Variants in P2RX7 observed in about 807,000 individuals in gnomAD.
P2RX7 encodes the protein purinergic receptor P2X 7.
Under a neutral mutation model 71.6 loss-of-function variants are expected in P2RX7, and 62 were observed. The ratio of observed to expected loss-of-function variants is 0.87; its 90% CI spans 0.71 to 1.07. The LOEUF (loss-of-function observed/expected upper bound fraction) is 1.07, where lower values mean the gene tolerates loss of function less well. Ranked by LOEUF, P2RX7 falls within the 50% of genes least tolerant of loss-of-function variation. The probability of loss-of-function intolerance (pLI) is 0.00; values close to 1 mark genes in which losing one functional copy is unlikely to be tolerated. For missense variants in P2RX7, 686 were observed against 748.5 expected (o/e 0.92, Z 0.97); for synonymous variants, 299 against 283.3 (o/e 1.06, Z -0.56).
Position 121,186,276 on chromosome 12 carries a change from A to C in P2RX7, c.*1474A>C, listed in dbSNP as rs1884884683. Reference sequence around the variant, plus strand: ...ATCCCAAGTGAGAACTGCCCCATAAATCCAGAAAACCACATTGCTATCTTA... The same window carrying C: ...ATCCCAAGTGAGAACTGCCCCATAACTCCAGAAAACCACATTGCTATCTTA... On this transcript the variant is annotated 3_prime_UTR_variant, in exon 13 of 13. Transcript: ENST00000328963. 1 of 152,122 alleles carries C rather than the reference A, an allele frequency of 6.6e-6. No homozygotes were observed. Among genetic ancestry groups the C allele is most frequent in the Admixed American group, 6.6e-5 (1 of 15,246 alleles). 9.4% of individuals were successfully genotyped at this position (152,122 alleles called of 1,614,324 possible). A position where few individuals can be genotyped will look rare whatever the true frequency, so the allele number is the denominator to read the frequency against.
intron 6 of P2RX7, 105 bp from the exon 7 acceptor site, chr12:121,165,953 G>A (rs752040322): frequency 7.5e-5 from 92 of 1,232,854 alleles, no homozygotes; most frequent in Non-Finnish European, 9.8e-5. Flanking sequence ...GATCATTTGG[G>A]GCTTTCATGG....
At chr12:121,140,232 A>G (rs954847995) in intron 1 of P2RX7, among the ~76,000 whole-genome samples, 2 of 113,700 alleles carry the variant, frequency 1.8e-5, no homozygotes, top group Admixed American at 7.6e-5. Context: ...CCTGGAAACA[A>G]GAGGAACAGC....
At chr12:121,178,587 T>A (rs1432216481) in intron 11 of P2RX7, among the ~76,000 whole-genome samples, 1 of 151,910 alleles carries the variant, frequency 6.6e-6, no homozygotes, top group Non-Finnish European at 1.5e-5. Context: ...AGGTCAAGAG[T>A]TCGAGACCAG....
intron 1 of P2RX7, among the ~76,000 whole-genome samples, chr12:121,145,587 A>G (rs1477076131): frequency 6.6e-6 from 1 of 151,468 alleles, no homozygotes; most frequent in Non-Finnish European, 1.5e-5. Flanking sequence ...ACTCACCACA[A>G]CCTCTGCCTC....
At chr12:121,167,047 C>T (rs983293976) in intron 7 of P2RX7, among the ~76,000 whole-genome samples, 11 of 129,194 alleles carry the variant, frequency 8.5e-5, no homozygotes, top group African/African-American at 3.0e-4. Context: ...AGCGAAACTC[C>T]ATCTCAAAAA....
At chr12:121,141,180 C>T (rs376718689) in intron 1 of P2RX7, among the ~76,000 whole-genome samples, 2 of 152,292 alleles carry the variant, frequency 1.3e-5, no homozygotes, top group South Asian at 2.1e-4. Context: ...ATGTCTAACA[C>T]CAAAACACCA....
chr12:121,144,079 C>T (rs1006606196), intron 1 of P2RX7, among the ~76,000 whole-genome samples: 2 of 152,182 alleles, frequency 1.3e-5, no homozygotes, highest in African/African-American at 2.4e-5. Flanking sequence ...ACCCAGGTAA[C>T]CATGAATCTA....
chr12:121,163,330 ACACACACACACACACACACACACACACG>A (rs1035924061), intron 5 of P2RX7, among the ~76,000 whole-genome samples: 2 of 63,104 alleles, frequency 3.2e-5, no homozygotes, highest in Admixed American at 1.5e-4. Flanking sequence ...CCTGGCTTAC[ACACACACACACACACACACACACACACG>A]CACACACACA....
chr12:121,135,718 C>T (rs1873391040), intron 1 of P2RX7, among the ~76,000 whole-genome samples: 1 of 151,522 alleles, frequency 6.6e-6, no homozygotes, highest in African/African-American at 2.4e-5. Context: ...AACATATATG[C>T]TGGGTCCGGC....
intron 1 of P2RX7, among the ~76,000 whole-genome samples, chr12:121,147,599 T>TTG (rs1555223827): frequency 9.9e-5 from 15 of 151,664 alleles, no homozygotes; most frequent in African/African-American, 3.2e-4. Context: ...GGCAGTTTTT[T>TTG]TTGTTGTTGT....
At chr12:121,168,377 C>T (rs910043450) in intron 8 of P2RX7, among the ~76,000 whole-genome samples, 28 of 151,710 alleles carry the variant, frequency 1.8e-4, no homozygotes, top group Non-Finnish European at 3.4e-4. Flanking sequence ...TAGGTCCAAG[C>T]GATCCTCCCA....
intron 1 of P2RX7, among the ~76,000 whole-genome samples, chr12:121,139,236 C>T (rs1364459528): frequency 1.3e-5 from 2 of 152,210 alleles, no homozygotes; most frequent in Admixed American, 6.5e-5. Flanking sequence ...GCCACCGCAC[C>T]CGGCTGGATA....
chr12:121,178,612 T>A (rs1056083724), intron 11 of P2RX7, among the ~76,000 whole-genome samples: 17 of 151,684 alleles, frequency 1.1e-4, no homozygotes, highest in African/African-American at 3.9e-4. Flanking sequence ...GCCAACATGG[T>A]GAAACCCCAT....
intron 8 of P2RX7, among the ~76,000 whole-genome samples, chr12:121,173,677 G>GA (rs1268807330): frequency 6.6e-6 from 1 of 152,204 alleles, no homozygotes; most frequent in Non-Finnish European, 1.5e-5. Flanking sequence ...CAGGACTAGG[G>GA]AAACAGCTTA....
chr12:121,150,201 C>T (rs1232632446), intron 1 of P2RX7, among the ~76,000 whole-genome samples: 3 of 152,166 alleles, frequency 2.0e-5, no homozygotes, highest in Admixed American at 6.5e-5. Context: ...TGTGCAAACT[C>T]GCTTTCATTC....
At chr12:121,168,971 A>AT (rs796720860) in intron 8 of P2RX7, among the ~76,000 whole-genome samples, 74 of 150,900 alleles carry the variant, frequency 4.9e-4, no homozygotes, top group Admixed American at 3.6e-3. Context: ...ATAATGTTTC[A>AT]TTTTTTTTTC....
At chr12:121,163,327 T>TACACACACACAC (rs113687409) in intron 5 of P2RX7, among the ~76,000 whole-genome samples, 175 of 145,300 alleles carry the variant, frequency 1.2e-3, no homozygotes, top group African/African-American at 4.3e-3. Context: ...ATGCCTGGCT[T>TACACACACACAC]ACACACACAC....
intron 3 of P2RX7, among the ~76,000 whole-genome samples, chr12:121,158,621 G>C (rs1302432663): frequency 1.3e-5 from 2 of 152,182 alleles, no homozygotes; most frequent in Non-Finnish European, 2.9e-5. Context: ...TCAGAAAGTA[G>C]GGGAAACACT....
rs1884870556 is a variant in P2RX7, at chr12:121,186,143, AC to A, written c.*1343del. 1 of 152,516 alleles carries A rather than the reference AC, an allele frequency of 6.6e-6. No homozygotes were observed. The highest frequency in any genetic ancestry group is 6.6e-5 in the Admixed American group (1 of 15,260). 9.4% of individuals were successfully genotyped at this position (152,516 alleles called of 1,614,324 possible). A position where few individuals can be genotyped will look rare whatever the true frequency, so the allele number is the denominator to read the frequency against. On this transcript the variant is annotated 3_prime_UTR_variant, in exon 13 of 13. Coordinates refer to ENST00000328963, the MANE Select transcript of P2RX7 (RefSeq NM_002562.6). ...CAAGCAGTCACGTGGACAGTGCCTG[AC>A]CAGCCCCAGCTTTCAAGCCATCCAA...
Sources: allele counts gnomAD v4.1 joint callset (sites outside exome capture counted in the v4.1 genomes callset), GRCh38; gene constraint gnomAD v4.1.1; transcripts MANE v1.5; gene names NCBI Gene and HGNC (gene_info 2026-07-23, HGNC 2026-07-21).